Variants in ZCCHC14 observed in about 807,000 individuals in gnomAD.
ZCCHC14 encodes the protein zinc finger CCHC domain-containing protein 14.
A neutral mutation model predicts 85.0 loss-of-function variants in ZCCHC14; 16 were observed. The observed-to-expected ratio is 0.19, with a 90% CI of 0.13 to 0.29. The LOEUF (loss-of-function observed/expected upper bound fraction) is 0.29, where lower values mean the gene tolerates loss of function less well. ZCCHC14 is among the 10% of genes least tolerant of loss of function. The pLI is 1.00. For missense variants in ZCCHC14, 1,303 were observed against 1,443.5 expected (o/e 0.90, Z 1.58); for synonymous variants, 775 against 630.7 (o/e 1.23, Z -3.43).
chr16:87,411,303 G>A, intron 12 of ZCCHC14: 1 of 1,415,980 alleles, frequency 7.1e-7, no homozygotes, highest in Non-Finnish European at 9.4e-7. Context: ...TCTAGAACCA[G>A]AGGCTGTCTG....
intron 1 of ZCCHC14, among the ~76,000 whole-genome samples, chr16:87,466,825 T>G (rs1000212303): frequency 6.6e-6 from 1 of 152,144 alleles, no homozygotes; most frequent in African/African-American, 2.4e-5. Context: ...GAAAGTGAAG[T>G]TGTGATGGCT....
intron 2 of ZCCHC14, among the ~76,000 whole-genome samples, chr16:87,439,408 C>T (rs1910081772): frequency 1.3e-5 from 2 of 152,200 alleles, no homozygotes; most frequent in South Asian, 2.1e-4. Flanking sequence ...GCTGGGATTA[C>T]AGGCGTGAGC....
At chr16:87,422,558 A>G (rs1343027191) in intron 4 of ZCCHC14, among the ~76,000 whole-genome samples, 1 of 146,410 alleles carries the variant, frequency 6.8e-6, no homozygotes, top group Non-Finnish European at 1.5e-5. Flanking sequence ...AACTGTCTCT[A>G]CTAAAAATTA....
chr16:87,417,314 G>GC (rs911930795), intron 8 of ZCCHC14, 146 bp downstream of exon 8: 22 of 1,232,620 alleles, frequency 1.8e-5, no homozygotes, highest in Non-Finnish European at 2.5e-5. Context: ...CCTCCGCAAA[G>GC]CCCACCGTCT....
intron 2 of ZCCHC14, among the ~76,000 whole-genome samples, chr16:87,451,990 G>A (rs552803639): frequency 5.3e-4 from 80 of 152,358 alleles, no homozygotes; most frequent in Middle Eastern, 3.4e-3. Context: ...TGCACGGCAC[G>A]GGGCTGGGCA....
intron 1 of ZCCHC14, among the ~76,000 whole-genome samples, chr16:87,481,118 C>T (rs1363279716): frequency 6.6e-6 from 1 of 151,992 alleles, no homozygotes; most frequent in Admixed American, 6.6e-5. Flanking sequence ...GGAGGCAGAC[C>T]CAGGCCAGGG....
At chr16:87,424,426 G>C (rs1334787312) in intron 3 of ZCCHC14, among the ~76,000 whole-genome samples, 1 of 149,288 alleles carries the variant, frequency 6.7e-6, no homozygotes, top group Non-Finnish European at 1.5e-5. Flanking sequence ...TAGGGCAGCA[G>C]TGATCACTGC....
In ZCCHC14 at chr16:87,412,992, A is replaced by G; in HGVS notation, c.1745-16T>C. ...ATCTCCACACCTAGAGAGGGAAACA[A>G]GAGTGGTCAGTGCCATTCCACAGCT... On this transcript the variant is annotated splice_polypyrimidine_tract_variant and intron_variant, in intron 11 of 12. Transcript: ENST00000671377. 1 of 1,613,666 alleles carries G rather than the reference A, an allele frequency of 6.2e-7. No homozygotes were observed. Among genetic ancestry groups the G allele is most frequent in the South Asian group, 1.1e-5 (1 of 91,032 alleles).
intron 2 of ZCCHC14, among the ~76,000 whole-genome samples, chr16:87,446,989 C>G (rs1353014152): frequency 6.6e-6 from 1 of 152,056 alleles, no homozygotes; most frequent in Non-Finnish European, 1.5e-5. Flanking sequence ...GCCCGGCCAG[C>G]AAACCAACAT....
Position 87,420,860 on chromosome 16 carries a change from T to A in ZCCHC14, c.841-144A>T. 1 of 597,578 alleles carries A rather than the reference T, an allele frequency of 1.7e-6. No individual in the cohort carries two copies. Among genetic ancestry groups the A allele is most frequent in the South Asian group, 2.2e-5 (1 of 46,114 alleles). 37.0% of individuals were successfully genotyped at this position (597,578 alleles called of 1,614,324 possible). A position where few individuals can be genotyped will look rare whatever the true frequency, so the allele number is the denominator to read the frequency against. On this transcript the variant is annotated intron_variant, in intron 4 of 12. Transcript: ENST00000671377. This position sits in a 1 kb window ranked among gnomAD's most constrained non-coding sequence, Gnocchi z 5.0. ...GATTTACACCTCCCGTCAGAGCTAT[T>A]CTGGGGCCCACATCCACTTAGGGTG... is the stretch of plus-strand genomic sequence containing the variant.
chr16:87,411,138 C>T (rs1234294310), intron 12 of ZCCHC14, among the ~76,000 whole-genome samples: 3 of 152,222 alleles, frequency 2.0e-5, no homozygotes, highest in African/African-American at 7.2e-5. Flanking sequence ...GGACAGCGAG[C>T]CCCACCCCAG....
intron 1 of ZCCHC14, among the ~76,000 whole-genome samples, chr16:87,462,850 A>T (rs1911337937): frequency 1.3e-5 from 2 of 151,934 alleles, no homozygotes; most frequent in Admixed American, 6.6e-5. Context: ...CAGGCAGATC[A>T]CCTGAGGTCA....
At chr16:87,444,016 GAC>G (rs1250663611) in intron 2 of ZCCHC14, among the ~76,000 whole-genome samples, 2 of 137,214 alleles carry the variant, frequency 1.5e-5, no homozygotes, top group East Asian at 4.5e-4. Context: ...CAGCCTGGGT[GAC>G]AGAGTGAGAC....
At chr16:87,452,546 C>T (rs764898880) in intron 2 of ZCCHC14, among the ~76,000 whole-genome samples, 1 of 151,888 alleles carries the variant, frequency 6.6e-6, no homozygotes, top group Admixed American at 6.6e-5. Flanking sequence ...TTGAGGGACA[C>T]AAGAAGAGGG....
rs185577430 is a variant in ZCCHC14 at position 87,477,836 on chromosome 16, G to T, written c.570+13833C>A. 5.1e-3 allele frequency among the ~76,000 whole-genome samples: 637 copies of T among 126,072 alleles called. 2 individuals carry two copies. The highest frequency in any genetic ancestry group is 0.019 in the African/African-American group (598 of 32,200). The allele number at this position is 126,072 out of a possible 152,430, so 82.7% of individuals were successfully genotyped here. Reference sequence around the variant, plus strand: ...GAACACTCACACGCCTCCACGCATCGCTCCCGAGTCTGCTGCCCCTCACCG... The same window carrying T: ...GAACACTCACACGCCTCCACGCATCTCTCCCGAGTCTGCTGCCCCTCACCG... On this transcript the variant is annotated intron_variant, in intron 1 of 12. Transcript: ENST00000671377.
intron 4 of ZCCHC14, among the ~76,000 whole-genome samples, chr16:87,423,265 G>C (rs1459924208): frequency 1.3e-5 from 2 of 152,164 alleles, no homozygotes; most frequent in African/African-American, 4.8e-5. Flanking sequence ...TGCTGAACCA[G>C]ATATTTGTAA....
intron 1 of ZCCHC14, among the ~76,000 whole-genome samples, chr16:87,478,182 T>C (rs1414268217): frequency 6.6e-6 from 1 of 152,214 alleles, no homozygotes; most frequent in Admixed American, 6.5e-5. Flanking sequence ...TATAAGTGCT[T>C]TGAGAAATGA....
intron 3 of ZCCHC14, 48 bp downstream of exon 3, chr16:87,433,080 T>C (rs1909742692): frequency 6.3e-7 from 1 of 1,588,546 alleles, no homozygotes; most frequent in Non-Finnish European, 8.6e-7. Context: ...GGTAAGTGTT[T>C]TCTTCCTAGC....
Position 87,412,483 on chromosome 16 carries a change from T to C in ZCCHC14, c.2238A>G (p.Ala746=). The change falls in exon 12 of 13, where the codon GCA becomes GCG. Residue 746 remains alanine, a synonymous_variant. Coordinates refer to ENST00000671377, the MANE Select transcript of ZCCHC14 (RefSeq NM_015144.3). ...TCTCCACGACCAGGGCCGGTTGCTG[T>C]GCTGTCTTCAGCACCCTGTCCAGCG... The part of the protein sequence containing the change: ...ASTLDRVLKT[A]QQPALVVETS... 6.2e-7 allele frequency: 1 copy of C among 1,614,014 alleles called. No individual in the cohort carries two copies. Among genetic ancestry groups the C allele is most frequent in the Non-Finnish European group, 8.5e-7 (1 of 1,180,018 alleles).
Sources: gnomAD v4.1 joint callset for allele counts (sites outside exome capture counted in the v4.1 genomes callset) on GRCh38, gnomAD v4.1.1 for gene constraint, Gnocchi (gnomAD v3.1) non-coding constraint, MANE v1.5 for transcripts, NCBI Gene and HGNC (gene_info 2026-07-23, HGNC 2026-07-21) for gene names.